The following PLBD2 variants were observed in gnomAD, a reference collection of about 807,000 sequenced individuals.
The protein encoded by PLBD2 is phospholipase B domain containing 2.
A neutral mutation model predicts 68.3 loss-of-function variants in PLBD2; 51 were observed. That is an observed-to-expected ratio of 0.75 (90% CI 0.60 to 0.94). The LOEUF (loss-of-function observed/expected upper bound fraction) is 0.94, where lower values mean the gene tolerates loss of function less well. Among genes scored for constraint, PLBD2 ranks in the 40% least tolerant of loss-of-function variants. The pLI, the probability that PLBD2 is intolerant of heterozygous loss-of-function variation, is 0.00. For synonymous variants in PLBD2, 314 were observed against 339.3 expected, an observed-to-expected ratio of 0.93 and a Z score of 0.82; for missense variants, 729 against 792.2, an observed-to-expected ratio of 0.92 and a Z score of 0.96.
rs533052063 is a variant in PLBD2 at position 113,375,079 on chromosome 12, G to T, written c.859+72G>T. 2.0e-5 allele frequency: 28 copies of T among 1,428,186 alleles called. No individual in the cohort carries two copies. In the African/African-American group the frequency reaches 3.1e-4, roughly 16 times the overall value. 88.5% of individuals were successfully genotyped at this position (1,428,186 alleles called of 1,614,324 possible). On this transcript the variant is annotated intron_variant, in intron 5 of 11. Coordinates refer to ENST00000280800, the MANE Select transcript of PLBD2 (RefSeq NM_173542.4). ...CACACGTGGGGAGTGGTCCTAGGAG[G>T]TTTGGGCCTTGGAAACCCTCCCAAC...
intron 9 of PLBD2, 22 bp downstream of exon 9, chr12:113,385,305 TC>T: frequency 6.2e-7 from 1 of 1,609,326 alleles, no homozygotes; most frequent in Non-Finnish European, 8.5e-7. Flanking sequence ...CTCACTCCGC[TC>T]CCCGTCACCC....
chr12:113,374,171 G>GAGGCC (rs1246551808), intron 3 of PLBD2, among the ~76,000 whole-genome samples: 4 of 152,312 alleles, frequency 2.6e-5, no homozygotes, highest in Admixed American at 2.6e-4. Flanking sequence ...CAGTTGGCAA[G>GAGGCC]AGGCCAGGCC....
At chr12:113,363,887 C>T (rs983106967) in intron 1 of PLBD2, among the ~76,000 whole-genome samples, 11 of 152,326 alleles carry the variant, frequency 7.2e-5, no homozygotes, top group Middle Eastern at 3.4e-3. Context: ...CCTAAACCTT[C>T]TTGCATACAT....
chr12:113,372,985 C>G lies in PLBD2; in HGVS notation c.543+178C>G, dbSNP rs2136909506. On this transcript the variant is annotated intron_variant, in intron 3 of 11. Transcript: ENST00000280800. The surrounding 1 kb of genome is among the most constrained non-coding windows in gnomAD (Gnocchi z 4.2). ...ATCCATCTGCCCAGTCTCCATCTGT[C>G]CACTTGCTGGAACTCCAGCCATCCA... 6.6e-6 allele frequency among the ~76,000 whole-genome samples: 1 copy of G among 152,366 alleles called. No homozygotes were observed.
intron 1 of PLBD2, among the ~76,000 whole-genome samples, chr12:113,363,201 G>A (rs777671565): frequency 1.7e-4 from 26 of 152,120 alleles, no homozygotes; most frequent in Non-Finnish European, 2.2e-4. Flanking sequence ...TTGGGAGGCC[G>A]AGGCAGGAGG....
intron 5 of PLBD2, among the ~76,000 whole-genome samples, chr12:113,380,205 C>T (rs1022801100): frequency 3.3e-5 from 5 of 152,106 alleles, no homozygotes; most frequent in South Asian, 2.1e-4. Context: ...GGCGCGATCT[C>T]GGCTCGCTGC....
rs1957605486 is a variant in PLBD2, at chr12:113,390,933, C to T, written c.*2307C>T. 1 of 152,244 alleles carries T rather than the reference C, an allele frequency of 6.6e-6. No individual in the cohort carries two copies. The highest frequency in any genetic ancestry group is 1.5e-5 in the Non-Finnish European group (1 of 68,060). 9.4% of individuals were successfully genotyped at this position (152,244 alleles called of 1,614,324 possible). On this transcript the variant is annotated 3_prime_UTR_variant, in exon 12 of 12. Transcript: ENST00000280800. ...TCCACCTACCTATTCATTTATCACCCATCCATCCACACACGGGTCTGTGCA... is the reference window on the plus strand; with the variant it reads ...TCCACCTACCTATTCATTTATCACCTATCCATCCACACACGGGTCTGTGCA...
chr12:113,372,751 C>G lies in PLBD2; in HGVS notation c.487C>G (p.Leu163Val). ...ERLKSFLEAN[L>V]EWMQEEMESN... ...GCTGAAGAGCTTCCTGGAGGCCAAC[C>G]TAGAGTGGATGCAGGAAGAGATGGA... Residue 163 changes from leucine to valine, a missense_variant, in exon 3 of 12, where the codon CTA becomes GTA. Physicochemically the swap from Leu to Val is conservative, Grantham distance 32. Coordinates refer to ENST00000280800, the MANE Select transcript of PLBD2 (RefSeq NM_173542.4). This position sits in a 1 kb window ranked among gnomAD's most constrained non-coding sequence, Gnocchi z 4.2. 6.2e-7 allele frequency: 1 copy of G among 1,614,084 alleles called. No individual in the cohort carries two copies. The highest frequency in any genetic ancestry group is 1.1e-5 in the South Asian group (1 of 91,084).
At position 113,369,133 on chromosome 12, in the gene PLBD2, T is replaced by C. The variant is rs746333066; in HGVS notation, c.308T>C (p.Leu103Pro). 6.2e-7 allele frequency: 1 copy of C among 1,601,134 alleles called. No homozygotes were observed. The highest frequency in any genetic ancestry group is 1.1e-5 in the South Asian group (1 of 88,348). Residue 103 changes from leucine (L) to proline (P), a missense_variant, in exon 2 of 12, where the codon CTG (leucine) becomes CCG (proline). By Grantham distance (98) the Leu-to-Pro change is moderately conservative. Coordinates refer to ENST00000280800, the MANE Select transcript of PLBD2 (RefSeq NM_173542.4). ...IRETGWAFLE[L>P]GTSGQYNDSL... is the part of the protein sequence containing the mutation. Reference sequence around the variant, plus strand: ...CCCTCCAGGTGGGCCTTCCTGGAGCTGGGCACAAGTGGCCAATACAATGAC... The same window carrying C: ...CCCTCCAGGTGGGCCTTCCTGGAGCCGGGCACAAGTGGCCAATACAATGAC...
At chr12:113,363,612 G>A (rs537816435) in intron 1 of PLBD2, among the ~76,000 whole-genome samples, 3 of 148,448 alleles carry the variant, frequency 2.0e-5, no homozygotes, top group East Asian at 2.0e-4. Flanking sequence ...ATTTCGGGTC[G>A]CTGCAAGCTC....
intron 1 of PLBD2, among the ~76,000 whole-genome samples, chr12:113,364,158 A>G (rs1034770182): frequency 2.0e-5 from 3 of 152,178 alleles, no homozygotes; most frequent in Non-Finnish European, 2.9e-5. Flanking sequence ...GGGCTGTATG[A>G]GCATCCGGCC....
chr12:113,359,010 C>A, intron 1 of PLBD2, 120 bp downstream of exon 1: 1 of 1,127,704 alleles, frequency 8.9e-7, no homozygotes, highest in Non-Finnish European at 1.2e-6. Flanking sequence ...CTCTGGGGGT[C>A]AGCTACTCCC....
In PLBD2 at chr12:113,372,817, G is replaced by T; in HGVS notation, c.543+10G>T. On this transcript the variant is annotated intron_variant, in intron 3 of 11. Coordinates refer to ENST00000280800, the MANE Select transcript of PLBD2 (RefSeq NM_173542.4). This position sits in a 1 kb window ranked among gnomAD's most constrained non-coding sequence, Gnocchi z 4.2. ...ACCTTACTGGCACCAGGTGAGTCCT[G>T]CTGCCACGCTTGGTGGGAGGGGGCT... is the stretch of plus-strand genomic sequence containing the variant. The T allele has an allele frequency of 6.2e-7, 1 of 1,608,708 alleles. No individual in the cohort carries two copies.
chr12:113,361,457 G>A (rs1439958306), intron 1 of PLBD2, among the ~76,000 whole-genome samples: 3 of 148,150 alleles, frequency 2.0e-5, no homozygotes, highest in African/African-American at 7.5e-5. Flanking sequence ...CTCCGACCTC[G>A]GCCTCCCAAG....
intron 1 of PLBD2, among the ~76,000 whole-genome samples, chr12:113,365,958 C>T (rs1957338566): frequency 6.6e-6 from 1 of 152,158 alleles, no homozygotes; most frequent in Non-Finnish European, 1.5e-5. Context: ...ATGGTTACCC[C>T]GTTATGTCCT....
chr12:113,388,717 CT>C lies in PLBD2; in HGVS notation c.*92del. ...GCCACCGGACTTCTAACTCCAGCCC[CT>C]CCTGGGGGCTTCGTTCTCTGATCTG... On this transcript the variant is annotated 3_prime_UTR_variant, in exon 12 of 12. Transcript: ENST00000280800. 7.2e-7 allele frequency: 1 copy of C among 1,379,610 alleles called. No individual in the cohort carries two copies. The highest frequency in any genetic ancestry group is 9.7e-7 in the Non-Finnish European group (1 of 1,033,404). The allele number at this position is 1,379,610 out of a possible 1,614,324, so 85.5% of individuals were successfully genotyped here. A position where few individuals can be genotyped will look rare whatever the true frequency, so the allele number is the denominator to read the frequency against.
chr12:113,361,437 T>C (rs1244067935), intron 1 of PLBD2, among the ~76,000 whole-genome samples: 4 of 147,710 alleles, frequency 2.7e-5, no homozygotes, highest in Non-Finnish European at 5.9e-5. Flanking sequence ...ACTCCCAGGC[T>C]CAAGAAATCC....
rs78732050 is a variant in PLBD2 at position 113,382,835 on chromosome 12, T to G, written c.958-1270T>G. On this transcript the variant is annotated intron_variant, in intron 6 of 11. Transcript: ENST00000280800. The stretch of plus-strand genomic sequence containing the variant: ...TGGGGGTGGTGGTGGTGGTGGTTTT[T>G]TGTGTGTGTGTGTGTGTGTGTGTGT... Among the ~76,000 whole-genome samples the G allele has an allele frequency of 3.1e-3, 334 of 106,610 alleles. 3 individuals carry two copies. The highest frequency in any genetic ancestry group is 0.013 in the East Asian group (45 of 3,540). The allele number at this position is 106,610 out of a possible 152,430, so 69.9% of individuals were successfully genotyped here. A position where few individuals can be genotyped will look rare whatever the true frequency, so the allele number is the denominator to read the frequency against.
chr12:113,375,772 A>G (rs1957433943), intron 5 of PLBD2, among the ~76,000 whole-genome samples: 1 of 152,186 alleles, frequency 6.6e-6, no homozygotes, highest in African/African-American at 2.4e-5. Context: ...CATCATCAGT[A>G]GGTGAGCACA....
Sources: allele counts gnomAD v4.1 joint callset (sites outside exome capture counted in the v4.1 genomes callset), GRCh38; gene constraint gnomAD v4.1.1; non-coding constraint Gnocchi (gnomAD v3.1); transcripts MANE v1.5; gene names NCBI Gene and HGNC (gene_info 2026-07-23, HGNC 2026-07-21).